SGCD: variants seen among roughly 807,000 people sequenced by gnomAD.
SGCD encodes delta-sarcoglycan.
In SGCD, 18 loss-of-function variants were observed where a neutral mutation model predicts 36.6. That is an observed-to-expected ratio of 0.49 (90% CI 0.34 to 0.73). The LOEUF (loss-of-function observed/expected upper bound fraction) is 0.73. Among genes scored for constraint, SGCD ranks in the 30% least tolerant of loss-of-function variants. The pLI, the probability that SGCD is intolerant of heterozygous loss-of-function variation, is 0.01. For missense variants in SGCD, 387 were observed against 346.7 expected (o/e 1.12, Z -0.92); for synonymous variants, 133 against 130.6 (o/e 1.02, Z -0.12).
At chr5:156,412,921 G>A (rs1013507451) in intron 3 of SGCD, among the ~76,000 whole-genome samples, 8 of 150,974 alleles carry the variant, frequency 5.3e-5, no homozygotes, top group East Asian at 2.0e-4. Flanking sequence ...TCAGCCTCCT[G>A]AGTAGCTGGG....
At chr5:156,143,874 C>T (rs1762637527) in intron 3 of SGCD, among the ~76,000 whole-genome samples, 1 of 146,756 alleles carries the variant, frequency 6.8e-6, no homozygotes, top group South Asian at 2.3e-4. Flanking sequence ...TCTCCTAAGG[C>T]TATCCCTCCC....
intron 1 of SGCD, among the ~76,000 whole-genome samples, chr5:155,914,956 T>C (rs1756706186): frequency 6.6e-6 from 1 of 152,232 alleles, no homozygotes; most frequent in Admixed American, 6.5e-5. Context: ...CATTAAAATT[T>C]ACATAATTGA....
rs1354331044 is a variant in SGCD at position 156,766,291 on chromosome 5, A to G, written c.*6901A>G. 6.6e-6 allele frequency: 1 copy of G among 152,010 alleles called. No homozygotes were observed. The highest frequency in any genetic ancestry group is 1.5e-5 in the Non-Finnish European group (1 of 68,006). 9.4% of individuals were successfully genotyped at this position (152,010 alleles called of 1,614,324 possible). The stretch of plus-strand genomic sequence containing the variant: ...ATCAAATAGAGGGAAGCTCATTTCT[A>G]TCATTGTCTCTGTTTCCCTATAAGA... On this transcript the variant is annotated 3_prime_UTR_variant, in exon 9 of 9. Transcript: ENST00000337851.
At chr5:156,157,472 A>T (rs184011397) in intron 3 of SGCD, among the ~76,000 whole-genome samples, 10 of 151,906 alleles carry the variant, frequency 6.6e-5, no homozygotes, top group South Asian at 2.1e-4. Flanking sequence ...TAGAAAGACC[A>T]TTAATCCCAC....
chr5:155,937,892 G>A (rs968004271), intron 1 of SGCD, among the ~76,000 whole-genome samples: 1 of 152,234 alleles, frequency 6.6e-6, no homozygotes, highest in Non-Finnish European at 1.5e-5. Flanking sequence ...ATACAAAACA[G>A]ATGAGAAGAG....
At chr5:156,253,474 T>G (rs571695461) in intron 3 of SGCD, among the ~76,000 whole-genome samples, 1 of 152,308 alleles carries the variant, frequency 6.6e-6, no homozygotes, top group South Asian at 2.1e-4. Context: ...AATTCAAGAC[T>G]AAGAATTATT....
intron 3 of SGCD, among the ~76,000 whole-genome samples, chr5:156,362,558 A>C (rs1769856720): frequency 6.6e-6 from 1 of 152,182 alleles, no homozygotes; most frequent in Admixed American, 6.5e-5. Flanking sequence ...AGGCAGAAGA[A>C]TCACTTGAAC....
chr5:156,158,261 T>G (rs76460089), intron 3 of SGCD, among the ~76,000 whole-genome samples: 1,977 of 151,830 alleles, frequency 0.013, 86 homozygotes, highest in African/African-American at 0.035. Context: ...TCTAAACTTC[T>G]GTGAGTTCCC....
At chr5:156,451,409 C>A (rs932489889) in intron 3 of SGCD, among the ~76,000 whole-genome samples, 2 of 152,088 alleles carry the variant, frequency 1.3e-5, no homozygotes, top group African/African-American at 4.8e-5. Context: ...TTCAGACAGT[C>A]CCCAGGATGT....
At chr5:156,308,587 C>A (rs779039211) in intron 3 of SGCD, among the ~76,000 whole-genome samples, 3 of 152,038 alleles carry the variant, frequency 2.0e-5, no homozygotes, top group Non-Finnish European at 4.4e-5. Context: ...CATGAGCCAC[C>A]GCACCTGGCC....
chr5:155,947,431 T>A (rs1401239246), intron 1 of SGCD, among the ~76,000 whole-genome samples: 1 of 152,018 alleles, frequency 6.6e-6, no homozygotes, highest in African/African-American at 2.4e-5. Flanking sequence ...AAGATGGAAC[T>A]TTTTTGGTGA....
intron 1 of SGCD, among the ~76,000 whole-genome samples, chr5:155,994,525 A>T (rs1464031910): frequency 6.6e-6 from 1 of 152,186 alleles, no homozygotes; most frequent in African/African-American, 2.4e-5. Flanking sequence ...GGTTTTATAA[A>T]GTGAAAGTTA....
chr5:156,523,038 C>T lies in SGCD; in HGVS notation c.294+14336C>T, dbSNP rs80282644. The stretch of plus-strand genomic sequence containing the variant: ...GCATGATGTCAATTGAGATTTATTC[C>T]ATCATCCTAATTACCAAGACATATC... On this transcript the variant is annotated intron_variant, in intron 4 of 8. Coordinates refer to ENST00000337851, the MANE Select transcript of SGCD (RefSeq NM_000337.6). Among the ~76,000 whole-genome samples the T allele has an allele frequency of 9.7e-4, 147 of 152,132 alleles. 4 individuals carry two copies. In the East Asian group the frequency reaches 0.025, roughly 26 times the overall value.
At chr5:156,310,132 A>G (rs998784751) in intron 3 of SGCD, among the ~76,000 whole-genome samples, 1 of 152,168 alleles carries the variant, frequency 6.6e-6, no homozygotes, top group African/African-American at 2.4e-5. Context: ...TTACCTGGGC[A>G]TGCATAATGA....
At chr5:156,502,338 G>A (rs1756495859) in intron 3 of SGCD, among the ~76,000 whole-genome samples, 1 of 151,976 alleles carries the variant, frequency 6.6e-6, no homozygotes, top group South Asian at 2.1e-4. Flanking sequence ...GAGCCACCAT[G>A]CCCAGCCCTC....
intron 2 of SGCD, among the ~76,000 whole-genome samples, chr5:156,334,609 C>CTTTTTTTTTTTTTTT (rs35767339): frequency 2.9e-4 from 30 of 105,078 alleles, no homozygotes; most frequent in African/African-American, 5.3e-4. Flanking sequence ...GGTCTATTTT[C>CTTTTTTTTTTTTTTT]TTTTTTTTTT....
chr5:155,808,788 G>A, the SGCD span, among the ~76,000 whole-genome samples: 8 of 152,182 alleles, frequency 5.3e-5, no homozygotes, highest in African/African-American at 1.9e-4. Flanking sequence ...AAAATTTATT[G>A]AGTGCTTCTC....
chr5:156,690,556 AC>A (rs1195344412), intron 7 of SGCD, among the ~76,000 whole-genome samples: 1 of 151,854 alleles, frequency 6.6e-6, no homozygotes, highest in Non-Finnish European at 1.5e-5. Flanking sequence ...GATAGCACAA[AC>A]TCTCACATCT....
At chr5:156,229,300 A>ATGTGTGTATATATATATAT in intron 3 of SGCD, among the ~76,000 whole-genome samples, 1 of 126,178 alleles carries the variant, frequency 7.9e-6, no homozygotes, top group African/African-American at 3.0e-5. Flanking sequence ...ATATATATAT[A>ATGTGTGTATATATATATAT]AAATTAGTTC....
Sources: allele counts gnomAD v4.1 joint callset (sites outside exome capture counted in the v4.1 genomes callset), GRCh38; gene constraint gnomAD v4.1.1; transcripts MANE v1.5; gene names NCBI Gene and HGNC (gene_info 2026-07-23, HGNC 2026-07-21).